Variants in PPT1 observed in about 807,000 individuals in gnomAD.
PPT1 encodes ceroid-palmitoyl-palmitoyl-protein thioesterase 1.
In PPT1, 24 loss-of-function variants were observed where a neutral mutation model predicts 44.0. The ratio of observed to expected loss-of-function variants is 0.54; its 90% CI spans 0.39 to 0.77. PPT1 has a LOEUF of 0.77. Ranked by LOEUF, PPT1 falls within the 30% of genes least tolerant of loss-of-function variation. The pLI is 0.00. For synonymous variants in PPT1, 148 were observed against 140.2 expected (o/e 1.06, Z -0.39); for missense variants, 341 against 378.8 (o/e 0.90, Z 0.83).
chr1:40,088,425 G>A (rs1447593316), intron 5 of PPT1, among the ~76,000 whole-genome samples: 7 of 152,130 alleles, frequency 4.6e-5, no homozygotes, highest in South Asian at 4.1e-4. Context: ...GATTACAGGC[G>A]TGAGCCACCA....
Position 40,089,602 on chromosome 1 carries a change from C to G in PPT1, c.434-90G>C, listed in dbSNP as rs6689837. ...AAGGCACTGTGAGAAACAAAATGAA[C>G]AGGACCAAACTCTGATTTCATTCAC... On this transcript the variant is annotated intron_variant, in intron 4 of 8. Transcript: ENST00000642050. 0.066 allele frequency: 60,179 copies of G among 908,922 alleles called. 2,211 individuals carry two copies. The highest frequency in any genetic ancestry group is 0.14 in the East Asian group (5,604 of 41,212). 56.3% of individuals were successfully genotyped at this position (908,922 alleles called of 1,614,324 possible).
At chr1:40,074,421 G>GCCCC (rs1648484616) in intron 8 of PPT1, among the ~76,000 whole-genome samples, 1 of 84,164 alleles carries the variant, frequency 1.2e-5, no homozygotes, top group African/African-American at 5.9e-5. Context: ...CCCTCCTCCT[G>GCCCC]TCCCCCCCGC....
intron 3 of PPT1, 108 bp downstream of exon 3, chr1:40,091,937 C>T: frequency 7.1e-7 from 1 of 1,400,430 alleles, no homozygotes; most frequent in Non-Finnish European, 9.9e-7. Context: ...AGGAAATTTC[C>T]CTTCCAAGAT....
intron 8 of PPT1, chr1:40,076,509 T>C (rs1648640317): frequency 1.3e-6 from 1 of 775,780 alleles, no homozygotes; most frequent in Non-Finnish European, 1.6e-6. Context: ...GGAGGCTTCC[T>C]GGATTTGTAG....
intron 1 of PPT1, among the ~76,000 whole-genome samples, chr1:40,096,353 C>T (rs763579032): frequency 6.6e-6 from 1 of 152,078 alleles, no homozygotes; most frequent in Non-Finnish European, 1.5e-5. Flanking sequence ...CTGTTTAGTT[C>T]CCTACTGTAT....
chr1:40,090,469 T>C (rs1033502760), intron 4 of PPT1, among the ~76,000 whole-genome samples: 1 of 152,144 alleles, frequency 6.6e-6, no homozygotes, highest in Non-Finnish European at 1.5e-5. Flanking sequence ...TGTATGTGCA[T>C]ATATGTGCAC....
chr1:40,080,313 G>C, intron 6 of PPT1, 84 bp downstream of exon 6: 1 of 1,379,174 alleles, frequency 7.3e-7, no homozygotes, highest in Non-Finnish European at 1.0e-6. Context: ...GACAGTTTGG[G>C]TAAACAGTCA....
At chr1:40,072,251 G>T, downstream of PPT1, 3 of 241,226 alleles carry the variant, frequency 1.2e-5, no homozygotes, top group Middle Eastern at 9.1e-4. Flanking sequence ...GACTTTAAAA[G>T]GAAAAAAAAA....
rs766024791 is a variant in PPT1 at position 40,074,035 on chromosome 1, G to A, written c.*26C>T. 9.9e-6 allele frequency: 16 copies of A among 1,613,724 alleles called. No individual in the cohort carries two copies. Among genetic ancestry groups the A allele is most frequent in the Non-Finnish European group, 1.3e-5 (15 of 1,179,918 alleles). On this transcript the variant is annotated 3_prime_UTR_variant, in exon 9 of 9. Coordinates refer to ENST00000642050, the MANE Select transcript of PPT1 (RefSeq NM_000310.4). ...GGTTTGGAAGAGTTAGGGGCTCCCT[G>A]AGCTCTATTGTGAACTATACGGGTT...
In PPT1 at chr1:40,092,271, G is replaced by A; in HGVS notation, c.235-99C>T. On this transcript the variant is annotated intron_variant, in intron 2 of 8. Coordinates refer to ENST00000642050, the MANE Select transcript of PPT1 (RefSeq NM_000310.4). ...CTCATTTAGGTTGGTATCCTCACAT[G>A]AGCCACTCAAGGGTGAAAGTATCAC... 2.6e-6 allele frequency: 4 copies of A among 1,563,724 alleles called. No homozygotes were observed. In the Admixed American group the frequency reaches 5.0e-5, roughly 20 times the overall value.
Position 40,076,844 on chromosome 1 carries a change from G to C in PPT1, c.796C>G (p.Gln266Glu), listed in dbSNP as rs747480754. Residue 266 changes from glutamine to glutamate, a missense_variant and splice_region_variant, in exon 8 of 9, where the codon CAG (glutamine) becomes GAG (glutamate). Gln to Glu is a conservative substitution (Grantham distance 29). Coordinates refer to ENST00000642050, the MANE Select transcript of PPT1 (RefSeq NM_000310.4). ...IPLQETSLYT[Q>E]DRLGLKEMDN... ...AAGATAGACTCCCTGCCAGTTACCT[G>C]TGTGTACAGGGAGGTCTCCTGTAAG... The C allele has an allele frequency of 6.2e-7, 1 of 1,614,150 alleles. No homozygotes were observed. Among genetic ancestry groups the C allele is most frequent in the Non-Finnish European group, 8.5e-7 (1 of 1,179,996 alleles).
chr1:40,078,820 CTT>C (rs151295763), intron 6 of PPT1, 162 bp from the exon 7 acceptor site: 2 of 632,450 alleles, frequency 3.2e-6, no homozygotes, highest in South Asian at 1.7e-5. Context: ...ACCTGTACAG[CTT>C]TTTTTTTTCT....
chr1:40,074,285 C>T (rs1648456542), intron 8 of PPT1, 102 bp from the exon 9 acceptor site: 2 of 1,446,766 alleles, frequency 1.4e-6, no homozygotes, highest in African/African-American at 2.8e-5. Context: ...TGCAGTTTGT[C>T]CTGAGTATTA....
chr1:40,078,779 G>A (rs1022048252), intron 6 of PPT1, 121 bp from the exon 7 acceptor site: 12 of 844,702 alleles, frequency 1.4e-5, no homozygotes, highest in Admixed American at 1.2e-4. Context: ...CCATGGGTAT[G>A]GGCTGTTTTC....
chr1:40,076,936 A>C (rs199949849), intron 7 of PPT1, 23 bp from the exon 8 acceptor site: 3 of 1,613,756 alleles, frequency 1.9e-6, no homozygotes, highest in African/African-American at 2.7e-5. Flanking sequence ...CAAAGGAAAG[A>C]AGCTCAGATA....
At chr1:40,088,755 T>C (rs1267004501) in intron 5 of PPT1, among the ~76,000 whole-genome samples, 1 of 152,154 alleles carries the variant, frequency 6.6e-6, no homozygotes, top group East Asian at 1.9e-4. Flanking sequence ...GGGACAGTGA[T>C]ATAGGGAGTA....
At position 40,097,175 on chromosome 1, in the gene PPT1, G is replaced by T; in HGVS notation, c.64C>A (p.Arg22=). 6.2e-7 allele frequency: 1 copy of T among 1,614,132 alleles called. No individual in the cohort carries two copies. The highest frequency in any genetic ancestry group is 8.5e-7 in the Non-Finnish European group (1 of 1,179,978). Reference sequence around the variant, plus strand: ...GGCGGGTCCAGATGCTGCAGCGCCCGAGAAGCGCAGGTCCATGGCAGGAGA... The same window carrying T: ...GGCGGGTCCAGATGCTGCAGCGCCCTAGAAGCGCAGGTCCATGGCAGGAGA... ...VALLPWTCAS[R]ALQHLDPPAP... The change falls in exon 1 of 9, where the codon CGG becomes AGG. Residue 22 remains arginine, a synonymous_variant. Transcript: ENST00000642050.
chr1:40,087,636 C>G (rs1473800248), intron 5 of PPT1, among the ~76,000 whole-genome samples: 1 of 151,966 alleles, frequency 6.6e-6, no homozygotes. Context: ...TGTTTTGGTT[C>G]ACACAAAGAA....
intron 1 of PPT1, chr1:40,093,966 G>C (rs1439001100): frequency 1.4e-6 from 1 of 716,432 alleles, no homozygotes; most frequent in Non-Finnish European, 2.6e-6. Context: ...GACGAGGCAG[G>C]AGGATTGCTT....
Sources: allele counts gnomAD v4.1 joint callset (sites outside exome capture counted in the v4.1 genomes callset), GRCh38; gene constraint gnomAD v4.1.1; transcripts MANE v1.5; gene names NCBI Gene and HGNC (gene_info 2026-07-23, HGNC 2026-07-21).